The following PRKN variants were observed in gnomAD, a reference collection of about 807,000 sequenced individuals.
The protein encoded by PRKN is parkin RBR E3 ubiquitin protein ligase.
Under a neutral mutation model 59.5 loss-of-function variants are expected in PRKN, and 56 were observed. That is an observed-to-expected ratio of 0.94 (90% CI 0.76 to 1.18). The LOEUF (loss-of-function observed/expected upper bound fraction) is 1.18. Ranked by LOEUF, PRKN falls within the 50% of genes most tolerant of loss-of-function variation. The pLI, the probability that PRKN is intolerant of heterozygous loss-of-function variation, is 0.00. For missense variants in PRKN, 657 were observed against 596.4 expected, an observed-to-expected ratio of 1.10 and a Z score of -1.06; for synonymous variants, 250 against 222.1, an observed-to-expected ratio of 1.13 and a Z score of -1.12.
intron 4 of PRKN, among the ~76,000 whole-genome samples, chr6:162,136,913 T>A (rs1781581429): frequency 6.6e-6 from 1 of 152,070 alleles, no homozygotes; most frequent in Non-Finnish European, 1.5e-5. Context: ...TATTTATTTA[T>A]CCACATTTAT....
intron 6 of PRKN, among the ~76,000 whole-genome samples, chr6:161,966,794 T>C (rs1459501090): frequency 6.6e-6 from 1 of 152,254 alleles, no homozygotes; most frequent in Non-Finnish European, 1.5e-5. Context: ...TCCCAGATAG[T>C]TCACTTTTTC....
intron 5 of PRKN, among the ~76,000 whole-genome samples, chr6:162,029,258 C>T (rs1783551792): frequency 6.6e-6 from 1 of 152,144 alleles, no homozygotes; most frequent in Non-Finnish European, 1.5e-5. Flanking sequence ...AAAAAGAAAA[C>T]TTTCCAGGTA....
intron 4 of PRKN, among the ~76,000 whole-genome samples, chr6:162,066,239 C>T (rs1343967272): frequency 6.6e-6 from 1 of 152,118 alleles, no homozygotes; most frequent in East Asian, 1.9e-4. Context: ...TCTGTTGTGC[C>T]TGGAAACAAT....
At chr6:162,678,675 T>A (rs1779650548) in intron 1 of PRKN, among the ~76,000 whole-genome samples, 1 of 152,210 alleles carries the variant, frequency 6.6e-6, no homozygotes, top group Non-Finnish European at 1.5e-5. Context: ...TGAGAGTTCT[T>A]TAAATAGTCT....
rs142477015 is a variant in PRKN, at chr6:161,836,138, C to T, written c.735-50230G>A. Among the ~76,000 whole-genome samples the T allele has an allele frequency of 9.2e-5, 14 of 152,320 alleles. No homozygotes were observed. In the East Asian group the frequency reaches 1.5e-3, roughly 17 times the overall value. ...GCTAACTCGGAGTGCGGCCTTTTTA[C>T]AGCCAGCTTTGGGGGTGCTAAATCT... On this transcript the variant is annotated intron_variant, in intron 6 of 11. Coordinates refer to ENST00000366898, the MANE Select transcript of PRKN (RefSeq NM_004562.3).
chr6:162,727,534 G>C, intron 1 of PRKN, 128 bp downstream of exon 1: 2 of 1,066,072 alleles, frequency 1.9e-6, no homozygotes. Flanking sequence ...GGCCGGGGAC[G>C]GCACGGGCAC....
intron 1 of PRKN, among the ~76,000 whole-genome samples, chr6:162,602,377 C>G (rs1043257737): frequency 3.9e-5 from 6 of 152,152 alleles, no homozygotes; most frequent in Non-Finnish European, 8.8e-5. Context: ...GAGTGGAGAG[C>G]AGCATTGAAG....
At position 161,664,064 on chromosome 6, in the gene PRKN, A is replaced by G. The variant is rs1784642208; in HGVS notation, c.872-94648T>C. Among the ~76,000 whole-genome samples the G allele has an allele frequency of 5.9e-5, 9 of 152,260 alleles. No individual in the cohort carries two copies. In the South Asian group the frequency reaches 1.9e-3, roughly 32 times the overall value. ...CCTTTGATTTATCAATTCTGGCCCC[A>G]TTTCTGGTAAGTCACTCCCTGGGAG... On this transcript the variant is annotated intron_variant, in intron 7 of 11. Transcript: ENST00000366898.
chr6:162,058,931 G>A (rs972531923), intron 4 of PRKN, among the ~76,000 whole-genome samples: 11 of 144,232 alleles, frequency 7.6e-5, no homozygotes, highest in South Asian at 2.2e-4. Flanking sequence ...CAGCCTGGGC[G>A]ACAGAGTGAG....
chr6:162,501,450 C>T (rs186479239), intron 1 of PRKN, among the ~76,000 whole-genome samples: 22 of 150,740 alleles, frequency 1.5e-4, no homozygotes, highest in Admixed American at 9.3e-4. Flanking sequence ...CTGGTTCAAG[C>T]AATTCTAGTG....
chr6:161,443,883 G>C (rs575632529), intron 9 of PRKN, among the ~76,000 whole-genome samples: 91 of 152,298 alleles, frequency 6.0e-4, no homozygotes, highest in African/African-American at 2.1e-3. Context: ...AACGTCTCTA[G>C]CTCAAGTAAT....
intron 1 of PRKN, among the ~76,000 whole-genome samples, chr6:162,446,675 G>A (rs998794618): frequency 2.7e-4 from 41 of 151,948 alleles, no homozygotes; most frequent in African/African-American, 8.2e-4. Flanking sequence ...TAAAACATTC[G>A]CATGAATAAG....
chr6:162,486,090 C>G (rs1792526194), intron 1 of PRKN, among the ~76,000 whole-genome samples: 1 of 152,114 alleles, frequency 6.6e-6, no homozygotes, highest in Middle Eastern at 3.2e-3. Context: ...CGTGCATACA[C>G]TTTAAAAATG....
At chr6:161,894,447 A>C (rs1430968286) in intron 6 of PRKN, among the ~76,000 whole-genome samples, 1 of 152,208 alleles carries the variant, frequency 6.6e-6, no homozygotes, top group Non-Finnish European at 1.5e-5. Flanking sequence ...ATTCCCTTCT[A>C]AACTACAACC....
chr6:161,976,912 A>T (rs1333885803), intron 5 of PRKN, among the ~76,000 whole-genome samples: 1 of 152,250 alleles, frequency 6.6e-6, no homozygotes, highest in African/African-American at 2.4e-5. Flanking sequence ...GATAAAATTC[A>T]GCCAGATAAA....
chr6:161,743,802 T>C (rs753890166), intron 7 of PRKN, among the ~76,000 whole-genome samples: 1 of 152,192 alleles, frequency 6.6e-6, no homozygotes, highest in Non-Finnish European at 1.5e-5. Flanking sequence ...CTATATTGTA[T>C]ACATTCTGGG....
In PRKN at chr6:161,592,149, T is replaced by C. The variant is rs1193789194; in HGVS notation, c.872-22733A>G. On this transcript the variant is annotated intron_variant, in intron 7 of 11. Transcript: ENST00000366898. The surrounding 1 kb of genome is among the most constrained non-coding windows in gnomAD (Gnocchi z 4.8). Reference sequence around the variant, plus strand: ...TATTTGTATTATTTTTATCGTTGTGTCATTTTTTATGTTCATTTTTTCCAA... The same window carrying C: ...TATTTGTATTATTTTTATCGTTGTGCCATTTTTTATGTTCATTTTTTCCAA... Among the ~76,000 whole-genome samples, 2 of 152,228 alleles carry C rather than the reference T, an allele frequency of 1.3e-5. No homozygotes were observed.
intron 7 of PRKN, among the ~76,000 whole-genome samples, chr6:161,782,425 G>A (rs1018841310): frequency 2.0e-5 from 3 of 151,934 alleles, no homozygotes; most frequent in African/African-American, 4.8e-5. Flanking sequence ...TTTAATAAAC[G>A]TTTACCTTTG....
intron 1 of PRKN, among the ~76,000 whole-genome samples, chr6:162,600,135 C>T (rs917487834): frequency 5.9e-5 from 9 of 152,258 alleles, no homozygotes; most frequent in East Asian, 1.9e-4. Context: ...TGCCTCTTTC[C>T]AGTAACAGCG....
Sources: gnomAD v4.1 joint callset for allele counts (sites outside exome capture counted in the v4.1 genomes callset) on GRCh38, gnomAD v4.1.1 for gene constraint, Gnocchi (gnomAD v3.1) non-coding constraint, MANE v1.5 for transcripts, NCBI Gene and HGNC (gene_info 2026-07-23, HGNC 2026-07-21) for gene names.